Variants in CNTN4 observed in about 807,000 individuals in gnomAD.
CNTN4 encodes contactin 4.
Under a neutral mutation model 122.5 loss-of-function variants are expected in CNTN4, and 77 were observed. That is an observed-to-expected ratio of 0.63 (90% CI 0.52 to 0.76). The LOEUF (loss-of-function observed/expected upper bound fraction) is 0.76. CNTN4 is among the 30% of genes least tolerant of loss of function. The pLI is 0.00. For synonymous variants in CNTN4, 512 were observed against 447.0 expected (o/e 1.15, Z -1.83); for missense variants, 1,256 against 1,259.1 (o/e 1.00, Z 0.04).
intron 2 of CNTN4, among the ~76,000 whole-genome samples, chr3:2,194,912 GT>G (rs2037762412): frequency 6.6e-6 from 1 of 152,144 alleles, no homozygotes. Context: ...AAACTCTGTT[GT>G]TTTAAGCCAC....
intron 2 of CNTN4, among the ~76,000 whole-genome samples, chr3:2,259,495 G>A (rs1032391116): frequency 2.0e-5 from 3 of 152,154 alleles, no homozygotes; most frequent in Non-Finnish European, 4.4e-5. Context: ...CCCGAGACTG[G>A]GTAATTTATA....
Position 2,582,422 on chromosome 3 carries a change from C to T in CNTN4, c.55+10864C>T, listed in dbSNP as rs117098161. The stretch of plus-strand genomic sequence containing the variant: ...AATCCCAATCTGTCTTCCACTCCTC[C>T]GTTATGGAGCTTCCCTGTTGTGTGT... On this transcript the variant is annotated intron_variant, in intron 4 of 24. Coordinates refer to ENST00000418658, the MANE Select transcript of CNTN4 (RefSeq NM_175607.3). Among the ~76,000 whole-genome samples the T allele has an allele frequency of 6.9e-4, 104 of 150,908 alleles. 3 individuals are homozygous for T. In the East Asian group the frequency reaches 0.017, roughly 25 times the overall value.
intron 2 of CNTN4, among the ~76,000 whole-genome samples, chr3:2,171,604 C>T (rs1160920067): frequency 6.6e-6 from 1 of 152,138 alleles, no homozygotes; most frequent in East Asian, 1.9e-4. Context: ...CGTCTATATT[C>T]TACCTGTATG....
At chr3:2,986,087 G>C (rs1410309617) in intron 13 of CNTN4, among the ~76,000 whole-genome samples, 1 of 151,778 alleles carries the variant, frequency 6.6e-6, no homozygotes, top group Non-Finnish European at 1.5e-5. Context: ...GCTAATTTTT[G>C]TGTTTTTTGT....
chr3:2,929,550 A>G (rs972881467), intron 13 of CNTN4, among the ~76,000 whole-genome samples: 8 of 152,186 alleles, frequency 5.3e-5, no homozygotes, highest in Admixed American at 5.2e-4. Flanking sequence ...ATTTGAGAAG[A>G]TCCAGGATGG....
At chr3:2,391,268 T>C (rs1262106065) in intron 3 of CNTN4, among the ~76,000 whole-genome samples, 1 of 152,176 alleles carries the variant, frequency 6.6e-6, no homozygotes, top group Non-Finnish European at 1.5e-5. Flanking sequence ...AATAAGAGTG[T>C]GTTAGAGTCA....
intron 4 of CNTN4, among the ~76,000 whole-genome samples, chr3:2,620,369 A>G (rs1201413793): frequency 6.6e-6 from 1 of 152,064 alleles, no homozygotes; most frequent in Non-Finnish European, 1.5e-5. Flanking sequence ...GCATGGTGGC[A>G]TGTGCCTGTA....
chr3:2,584,823 T>A (rs1255974645), intron 4 of CNTN4, among the ~76,000 whole-genome samples: 1 of 152,104 alleles, frequency 6.6e-6, no homozygotes, highest in Non-Finnish European at 1.5e-5. Flanking sequence ...CTATTTTGTT[T>A]AATTATATTA....
At chr3:2,869,837 A>G (rs2093765412) in intron 8 of CNTN4, among the ~76,000 whole-genome samples, 1 of 152,234 alleles carries the variant, frequency 6.6e-6, no homozygotes, top group African/African-American at 2.4e-5. Flanking sequence ...ATCAGCTTAA[A>G]GAGAAAAGTA....
chr3:2,481,033 T>TTTTTTCTTTCTTTCTTTC lies in CNTN4; in HGVS notation c.-88-90380_-88-90379insTTCTTTCTTTCTTTCTTT, dbSNP rs2075979193. ...TCTTTCTTTCTTTCTTTTCTTTTTC[T>TTTTTTCTTTCTTTCTTTC]TTTCTTTCTTTCTTTCTTTCTTTCT... On this transcript the variant is annotated intron_variant, in intron 3 of 24. Transcript: ENST00000418658. Among the ~76,000 whole-genome samples, 3 of 119,988 alleles carry TTTTTTCTTTCTTTCTTTC rather than the reference T, an allele frequency of 2.5e-5. No homozygotes were observed. The East Asian group carries it at 6.6e-4, about 27-fold the overall frequency. 78.7% of individuals were successfully genotyped at this position (119,988 alleles called of 152,430 possible). A position where few individuals can be genotyped will look rare whatever the true frequency, so the allele number is the denominator to read the frequency against.
intron 4 of CNTN4, among the ~76,000 whole-genome samples, chr3:2,646,400 A>C (rs1055363617): frequency 6.6e-6 from 1 of 152,174 alleles, no homozygotes; most frequent in African/African-American, 2.4e-5. Context: ...TAGTCTCTCT[A>C]TGCCTTAGTT....
At chr3:2,945,365 G>A (rs1357178067) in intron 13 of CNTN4, among the ~76,000 whole-genome samples, 3 of 152,198 alleles carry the variant, frequency 2.0e-5, no homozygotes, top group East Asian at 1.9e-4. Flanking sequence ...AGGGAACGCA[G>A]TGTGATTCCT....
chr3:2,181,524 A>G (rs1247139615), intron 2 of CNTN4, among the ~76,000 whole-genome samples: 1 of 152,084 alleles, frequency 6.6e-6, no homozygotes, highest in African/African-American at 2.4e-5. Context: ...CCTATGTCAC[A>G]TTGTACTTGG....
At chr3:2,204,725 C>G (rs2038261505) in intron 2 of CNTN4, among the ~76,000 whole-genome samples, 1 of 152,028 alleles carries the variant, frequency 6.6e-6, no homozygotes, top group Non-Finnish European at 1.5e-5. Context: ...AGCCTACTCA[C>G]TATTCTCAAA....
intron 13 of CNTN4, among the ~76,000 whole-genome samples, chr3:2,949,452 C>G (rs929044112): frequency 3.9e-5 from 6 of 152,174 alleles, no homozygotes; most frequent in Non-Finnish European, 8.8e-5. Flanking sequence ...AGGGCCTTTT[C>G]CCATTATTTG....
At chr3:2,642,825 T>C (rs2082951736) in intron 4 of CNTN4, among the ~76,000 whole-genome samples, 1 of 152,170 alleles carries the variant, frequency 6.6e-6, no homozygotes, top group African/African-American at 2.4e-5. Flanking sequence ...TGTTGAAACT[T>C]TGTCTGCCCC....
At chr3:2,869,927 T>C (rs1036109532) in intron 8 of CNTN4, among the ~76,000 whole-genome samples, 1 of 152,206 alleles carries the variant, frequency 6.6e-6, no homozygotes, top group Admixed American at 6.5e-5. Context: ...AAAGATATGC[T>C]CCAGTGGCAT....
intron 4 of CNTN4, among the ~76,000 whole-genome samples, chr3:2,603,126 AT>A (rs1051659778): frequency 7.7e-5 from 11 of 143,072 alleles, no homozygotes; most frequent in Non-Finnish European, 1.1e-4. Flanking sequence ...AAAAAAAAAA[AT>A]TTCTGAGAAT....
At chr3:2,599,048 A>C (rs768470100) in intron 4 of CNTN4, among the ~76,000 whole-genome samples, 5 of 152,236 alleles carry the variant, frequency 3.3e-5, no homozygotes, top group Non-Finnish European at 5.9e-5. Flanking sequence ...TGTGCTCAAC[A>C]TATATAGCTT....
Sources: allele counts gnomAD v4.1 joint callset (sites outside exome capture counted in the v4.1 genomes callset), GRCh38; gene constraint gnomAD v4.1.1; transcripts MANE v1.5; gene names NCBI Gene and HGNC (gene_info 2026-07-23, HGNC 2026-07-21).